Variants in FBN2 observed in about 807,000 individuals in gnomAD.
FBN2 encodes fibrillin-2.
In FBN2, 105 loss-of-function variants were observed where a neutral mutation model predicts 355.6. That is an observed-to-expected ratio of 0.30 (90% CI 0.25 to 0.35). The LOEUF is 0.35. Among genes scored for constraint, FBN2 ranks in the 10% least tolerant of loss-of-function variants. FBN2 has a pLI of 1.00. For missense variants in FBN2, 3,280 were observed against 3,758.7 expected (o/e 0.87, Z 3.33); for synonymous variants, 1,350 against 1,301.2 (o/e 1.04, Z -0.81).
chr5:128,306,789 T>A (rs1187371359), intron 42 of FBN2, among the ~76,000 whole-genome samples: 1 of 152,156 alleles, frequency 6.6e-6, no homozygotes, highest in Non-Finnish European at 1.5e-5. Context: ...TTAAAAAATG[T>A]ACTTAAGAAA....
intron 23 of FBN2, among the ~76,000 whole-genome samples, chr5:128,346,464 C>T (rs573923554): frequency 2.0e-5 from 3 of 152,198 alleles, no homozygotes; most frequent in Admixed American, 6.5e-5. Flanking sequence ...AACTGTCTAA[C>T]GGAGGGAATG....
At chr5:128,291,429 AC>A (rs552622437) in intron 49 of FBN2, 99 bp downstream of exon 49, 292 of 1,315,936 alleles carry the variant, frequency 2.2e-4, no homozygotes, top group Non-Finnish European at 3.1e-4. Context: ...TTTAGCATAG[AC>A]ATGTATTTTG....
At chr5:128,353,047 C>T (rs1290144152) in intron 20 of FBN2, among the ~76,000 whole-genome samples, 1 of 151,976 alleles carries the variant, frequency 6.6e-6, no homozygotes, top group African/African-American at 2.4e-5. Flanking sequence ...ATGGCACATG[C>T]CTGTAGTCCC....
chr5:128,302,791 C>A (rs1749755027), intron 46 of FBN2, among the ~76,000 whole-genome samples, 182 bp downstream of exon 46: 1 of 152,054 alleles, frequency 6.6e-6, no homozygotes, highest in African/African-American at 2.4e-5. Flanking sequence ...TGTCTTGTGA[C>A]AATTTAGGCC....
chr5:128,271,543 A>T (rs886392437), intron 62 of FBN2, among the ~76,000 whole-genome samples: 2 of 152,278 alleles, frequency 1.3e-5, no homozygotes, highest in South Asian at 4.2e-4. Flanking sequence ...CAACCTTAAA[A>T]CACTTCCCAT....
chr5:128,422,150 G>A (rs949172457), intron 7 of FBN2, among the ~76,000 whole-genome samples: 3 of 152,142 alleles, frequency 2.0e-5, no homozygotes, highest in Admixed American at 6.6e-5. Flanking sequence ...ACCTTGATTT[G>A]GGCTTGGTTA....
At chr5:128,384,998 A>C (rs370250307) in intron 11 of FBN2, among the ~76,000 whole-genome samples, 2 of 152,088 alleles carry the variant, frequency 1.3e-5, no homozygotes, top group South Asian at 4.1e-4. Context: ...GCTATCCCTC[A>C]ATTGGCTCAG....
rs754101758 is a variant in FBN2, at chr5:128,263,479, G to A, written c.8138C>T (p.Thr2713Met). 9.9e-6 allele frequency: 16 copies of A among 1,613,960 alleles called. No individual in the cohort carries two copies. The Admixed American group carries it at 1.0e-4, about 10-fold the overall frequency. ...KNPCNYGCSN[T>M]EGGYLCGCPP... ...GCAGCCACAGAGGTAGCCCCCCTCC[G>A]TGTTAGAGCAGCCGTAATTGCAGGG... The change falls in exon 63 of 65, where the codon ACG becomes ATG. Residue 2713 changes from threonine to methionine, a missense_variant. Thr to Met is a moderately conservative substitution (Grantham distance 81). This residue lies in a region of FBN2 where 311 missense variants were observed against 319.1 expected (regional missense o/e 0.97). Transcript: ENST00000262464.
chr5:128,394,050 G>T (rs1295704574), intron 9 of FBN2, among the ~76,000 whole-genome samples: 2 of 151,936 alleles, frequency 1.3e-5, no homozygotes, highest in African/African-American at 4.8e-5. Context: ...TATTTACTAG[G>T]CATTAATTCT....
At chr5:128,445,619 T>C (rs1031557461) in intron 7 of FBN2, among the ~76,000 whole-genome samples, 2 of 152,186 alleles carry the variant, frequency 1.3e-5, no homozygotes, top group Non-Finnish European at 2.9e-5. Context: ...ATGATAATGC[T>C]TATGTCACAA....
chr5:128,464,807 C>T lies in FBN2; in HGVS notation c.743G>A (p.Gly248Asp), dbSNP rs1224432500. 1.9e-6 allele frequency: 3 copies of T among 1,614,092 alleles called. No individual in the cohort carries two copies. The highest frequency in any genetic ancestry group is 2.5e-6 in the Non-Finnish European group (3 of 1,180,038). Residue 248 changes from glycine (G) to aspartate (D), a missense_variant, in exon 6 of 65, where the codon GGC (glycine) becomes GAC (aspartate). By Grantham distance (94) the Gly-to-Asp change is moderately conservative. Around this residue, in one of 6 missense-constraint regions of FBN2, gnomAD observed 130 missense variants for 189.9 expected, o/e 0.68. Coordinates refer to ENST00000262464, the MANE Select transcript of FBN2 (RefSeq NM_001999.4). ...GGCTGGACACATCTCACAGGGATGG[C>T]CCCACGCCCGTCCAATGGTGGCACA... is the stretch of plus-strand genomic sequence containing the variant. ...LCCATIGRAW[G>D]HPCEMCPAQP...
chr5:128,434,824 T>C (rs1010113615), intron 7 of FBN2, among the ~76,000 whole-genome samples: 9 of 152,090 alleles, frequency 5.9e-5, no homozygotes, highest in Non-Finnish European at 1.0e-4. Flanking sequence ...GATACCTTTT[T>C]CCTCTAATGG....
At chr5:128,530,922 A>G (rs1483426573) in intron 2 of FBN2, among the ~76,000 whole-genome samples, 7 of 152,192 alleles carry the variant, frequency 4.6e-5, no homozygotes, top group Non-Finnish European at 5.9e-5. Context: ...TTCAAATTGC[A>G]TAATCCTTTA....
intron 21 of FBN2, 94 bp downstream of exon 21, chr5:128,350,774 C>G: frequency 7.1e-7 from 1 of 1,410,452 alleles, no homozygotes; most frequent in African/African-American, 1.4e-5. Flanking sequence ...GATCTCTGAC[C>G]TTCTTCACTA....
chr5:128,456,322 G>A (rs901958253), intron 6 of FBN2, among the ~76,000 whole-genome samples: 7 of 152,138 alleles, frequency 4.6e-5, no homozygotes, highest in Non-Finnish European at 5.9e-5. Context: ...CTAGGGGGAG[G>A]GGTGGCTGCA....
At chr5:128,389,386 G>A (rs527251022) in intron 11 of FBN2, among the ~76,000 whole-genome samples, 2 of 152,332 alleles carry the variant, frequency 1.3e-5, no homozygotes, top group South Asian at 4.1e-4. Flanking sequence ...TGGCAAAGGA[G>A]CTATGGTGGT....
intron 6 of FBN2, among the ~76,000 whole-genome samples, chr5:128,453,610 C>T (rs1009440539): frequency 2.6e-5 from 4 of 151,978 alleles, no homozygotes; most frequent in African/African-American, 7.3e-5. Context: ...TGTTCATACC[C>T]GCCTTTTACT....
chr5:128,366,462 A>G, intron 16 of FBN2, 32 bp from the exon 17 acceptor site: 1 of 1,418,650 alleles, frequency 7.0e-7, no homozygotes, highest in Non-Finnish European at 9.9e-7. Flanking sequence ...AAGAATTAAA[A>G]ACTTAACTAT....
In FBN2 at chr5:128,258,178, C is replaced by T. The variant is rs7288; in HGVS notation, c.*1277G>A. Reference sequence around the variant, plus strand: ...CCATTTCACATATGAGGTTTGGTCACTGGTCCAGGAAACAGGTTCTTGGGT... The same window carrying T: ...CCATTTCACATATGAGGTTTGGTCATTGGTCCAGGAAACAGGTTCTTGGGT... On this transcript the variant is annotated 3_prime_UTR_variant, in exon 65 of 65. Coordinates refer to ENST00000262464, the MANE Select transcript of FBN2 (RefSeq NM_001999.4). The T allele has an allele frequency of 0.13, 20,039 of 152,526 alleles. 1,498 individuals carry two copies. Among genetic ancestry groups the T allele is most frequent in the African/African-American group, 0.18 (7,404 of 41,464 alleles). 9.4% of individuals were successfully genotyped at this position (152,526 alleles called of 1,614,324 possible).
Sources: gnomAD v4.1 joint callset for allele counts (sites outside exome capture counted in the v4.1 genomes callset) on GRCh38, gnomAD v4.1.1 for gene constraint, gnomAD v4.1.1 regional missense constraint, MANE v1.5 for transcripts, NCBI Gene and HGNC (gene_info 2026-07-23, HGNC 2026-07-21) for gene names.